Variants in CLSTN2 observed in about 807,000 individuals in gnomAD.
CLSTN2 encodes the protein calsyntenin 2.
CLSTN2 carries 48 observed loss-of-function variants against 101.2 expected under a neutral mutation model. The ratio of observed to expected loss-of-function variants is 0.47; its 90% CI spans 0.38 to 0.60. The LOEUF (loss-of-function observed/expected upper bound fraction) is 0.60. Ranked by LOEUF, CLSTN2 falls within the 20% of genes least tolerant of loss-of-function variation. CLSTN2 has a pLI of 0.00. For missense variants in CLSTN2, 1,160 were observed against 1,238.2 expected (o/e 0.94, Z 0.95); for synonymous variants, 481 against 463.6 (o/e 1.04, Z -0.48).
chr3:140,043,537 C>T (rs2007804698), intron 1 of CLSTN2, among the ~76,000 whole-genome samples: 1 of 152,184 alleles, frequency 6.6e-6, no homozygotes, highest in Admixed American at 6.5e-5. Flanking sequence ...AATTAGATCC[C>T]ATTTGCCAAT....
intron 1 of CLSTN2, among the ~76,000 whole-genome samples, chr3:140,161,117 G>T (rs543090902): frequency 2.4e-4 from 36 of 152,190 alleles, no homozygotes; most frequent in African/African-American, 8.4e-4. Context: ...ATGCCTTAGG[G>T]ATTGAGAGAC....
chr3:139,975,868 G>C (rs1238478600), intron 1 of CLSTN2, among the ~76,000 whole-genome samples: 1 of 152,166 alleles, frequency 6.6e-6, no homozygotes, highest in Non-Finnish European at 1.5e-5. Context: ...GGCTGCATTG[G>C]GTTCTTGCAG....
intron 1 of CLSTN2, among the ~76,000 whole-genome samples, chr3:140,010,312 A>C (rs2007046618): frequency 1.3e-5 from 2 of 152,160 alleles, no homozygotes; most frequent in Admixed American, 1.3e-4. Flanking sequence ...TTCTGTCATA[A>C]ATAAGATGAG....
chr3:140,194,525 A>T (rs1173960061), intron 2 of CLSTN2, among the ~76,000 whole-genome samples: 1 of 152,032 alleles, frequency 6.6e-6, no homozygotes, highest in Non-Finnish European at 1.5e-5. Flanking sequence ...CTACTGATTT[A>T]AAAAAAATCA....
chr3:140,539,990 T>A (rs896600244), intron 9 of CLSTN2, among the ~76,000 whole-genome samples: 1 of 152,140 alleles, frequency 6.6e-6, no homozygotes, highest in East Asian at 1.9e-4. Context: ...CCATCAGACA[T>A]CATGTTTAGT....
chr3:140,224,695 C>T (rs1320008468), intron 2 of CLSTN2, among the ~76,000 whole-genome samples: 2 of 152,168 alleles, frequency 1.3e-5, no homozygotes, highest in Non-Finnish European at 2.9e-5. Flanking sequence ...TATAGACCTT[C>T]TGTGCCCAGT....
At chr3:140,007,669 C>T (rs1213375665) in intron 1 of CLSTN2, among the ~76,000 whole-genome samples, 1 of 152,182 alleles carries the variant, frequency 6.6e-6, no homozygotes, top group Non-Finnish European at 1.5e-5. Context: ...CTCGGTCTGG[C>T]TCTCCTCTCC....
intron 8 of CLSTN2, among the ~76,000 whole-genome samples, chr3:140,510,557 G>C (rs536779996): frequency 1.3e-5 from 2 of 152,296 alleles, no homozygotes; most frequent in African/African-American, 2.4e-5. Flanking sequence ...CCCAAATGTT[G>C]CTCAACCAAA....
chr3:140,182,649 C>G lies in CLSTN2; in HGVS notation c.232+6576C>G, dbSNP rs148425376. On this transcript the variant is annotated intron_variant, in intron 2 of 16. Coordinates refer to ENST00000458420, the MANE Select transcript of CLSTN2 (RefSeq NM_022131.3). ...TGCTTCCCACCCAGTCATGAGGCTT[C>G]AGCCAAAGGTCAATTCTTCACCCTC... 2.8e-3 allele frequency among the ~76,000 whole-genome samples: 421 copies of G among 152,330 alleles called. 1 individual carries two copies. The highest frequency in any genetic ancestry group is 4.2e-3 in the Admixed American group (65 of 15,304).
chr3:140,398,646 C>A (rs765555663), intron 2 of CLSTN2, among the ~76,000 whole-genome samples: 1 of 152,082 alleles, frequency 6.6e-6, no homozygotes, highest in African/African-American at 2.4e-5. Flanking sequence ...GGGTGCTGAC[C>A]GTAGATGCCA....
intron 12 of CLSTN2, among the ~76,000 whole-genome samples, chr3:140,561,020 A>C (rs1324590484): frequency 6.6e-6 from 1 of 151,752 alleles, no homozygotes; most frequent in Non-Finnish European, 1.5e-5. Context: ...AGTGAGAGCA[A>C]ATATATTTTT....
intron 2 of CLSTN2, among the ~76,000 whole-genome samples, chr3:140,209,101 T>A (rs575632206): frequency 4.7e-4 from 71 of 152,350 alleles, no homozygotes; most frequent in African/African-American, 1.5e-3. Context: ...CCATTCTGTC[T>A]ACTCCACTCA....
At chr3:140,021,279 G>C (rs1193285931) in intron 1 of CLSTN2, among the ~76,000 whole-genome samples, 1 of 152,204 alleles carries the variant, frequency 6.6e-6, no homozygotes. Context: ...TCTGTGGGCT[G>C]AAGGGATCTG....
At position 140,083,975 on chromosome 3, in the gene CLSTN2, T is replaced by C. The variant is rs564069930; in HGVS notation, c.110-91976T>C. ...GGACTCCTGATACTTCCATTTTTGA[T>C]GTAACACATAAACTGGAGATCGGTA... On this transcript the variant is annotated intron_variant, in intron 1 of 16. Coordinates refer to ENST00000458420, the MANE Select transcript of CLSTN2 (RefSeq NM_022131.3). 8.5e-5 allele frequency among the ~76,000 whole-genome samples: 13 copies of C among 152,362 alleles called. No individual in the cohort carries two copies. The East Asian group carries it at 2.5e-3, about 29-fold the overall frequency.
chr3:140,034,683 C>T (rs574379883), intron 1 of CLSTN2, among the ~76,000 whole-genome samples: 9 of 152,246 alleles, frequency 5.9e-5, no homozygotes, highest in South Asian at 4.1e-4. Context: ...GCAGGGAGGG[C>T]GGGGAGGAGA....
chr3:139,951,964 T>A (rs1935303700), intron 1 of CLSTN2, among the ~76,000 whole-genome samples: 3 of 152,230 alleles, frequency 2.0e-5, no homozygotes, highest in Admixed American at 2.0e-4. Context: ...AATCCCTACA[T>A]GGCTCTTTCT....
intron 7 of CLSTN2, among the ~76,000 whole-genome samples, chr3:140,461,571 A>G (rs1284225792): frequency 6.6e-6 from 1 of 152,188 alleles, no homozygotes; most frequent in Non-Finnish European, 1.5e-5. Flanking sequence ...ATTACCAAGA[A>G]AGACAGGATT....
At chr3:140,001,030 C>A (rs1275555513) in intron 1 of CLSTN2, among the ~76,000 whole-genome samples, 1 of 152,142 alleles carries the variant, frequency 6.6e-6, no homozygotes, top group Non-Finnish European at 1.5e-5. Context: ...AATAACTTAC[C>A]TCACTTTTAA....
intron 2 of CLSTN2, among the ~76,000 whole-genome samples, chr3:140,202,709 A>G (rs1426205638): frequency 6.6e-6 from 1 of 152,186 alleles, no homozygotes; most frequent in Non-Finnish European, 1.5e-5. Flanking sequence ...AAGAGATAGG[A>G]TGAGAAAAGG....
Sources: allele counts gnomAD v4.1 joint callset (sites outside exome capture counted in the v4.1 genomes callset), GRCh38; gene constraint gnomAD v4.1.1; transcripts MANE v1.5; gene names NCBI Gene and HGNC (gene_info 2026-07-23, HGNC 2026-07-21).